UBAC2: variants seen among roughly 807,000 people sequenced by gnomAD.
The protein encoded by UBAC2 is ubiquitin-associated domain-containing protein 2.
Under a neutral mutation model 44.0 loss-of-function variants are expected in UBAC2, and 26 were observed. The observed-to-expected ratio is 0.59, with a 90% CI of 0.43 to 0.82. The LOEUF (loss-of-function observed/expected upper bound fraction) is 0.82. Among genes scored for constraint, UBAC2 ranks in the 40% least tolerant of loss-of-function variants. UBAC2 has a pLI of 0.00. For missense variants in UBAC2, 329 were observed against 419.4 expected (o/e 0.78, Z 1.88); for synonymous variants, 155 against 154.3 (o/e 1.00, Z -0.04).
intron 1 of UBAC2, among the ~76,000 whole-genome samples, chr13:99,229,434 G>A (rs1218754193): frequency 6.6e-6 from 1 of 152,212 alleles, no homozygotes; most frequent in African/African-American, 2.4e-5. Context: ...TGTGCGGTTT[G>A]ATTGCAGCAA....
rs150591350 is a variant in UBAC2 at position 99,298,505 on chromosome 13, G to C, written c.390-15592G>C. 7.4e-3 allele frequency among the ~76,000 whole-genome samples: 1,121 copies of C among 152,256 alleles called. 10 individuals are homozygous for C. Among genetic ancestry groups the C allele is most frequent in the South Asian group, 0.055 (266 of 4,820 alleles). On this transcript the variant is annotated intron_variant, in intron 4 of 8. Coordinates refer to ENST00000403766, the MANE Select transcript of UBAC2 (RefSeq NM_001144072.2). ...GATGCAGATAAGGCAATCTGAGATA[G>C]ATATAAAGCCTTGAATGCATTTATT... is the stretch of plus-strand genomic sequence containing the variant.
chr13:99,203,054 T>TATTTATTTATTG (rs71118465), intron 1 of UBAC2, among the ~76,000 whole-genome samples: 1 of 145,798 alleles, frequency 6.9e-6, no homozygotes, highest in African/African-American at 2.6e-5. Flanking sequence ...TTTATTTATT[T>TATTTATTTATTG]ATTGAGATGG....
At chr13:99,242,407 G>T (rs1402075298) in intron 2 of UBAC2, among the ~76,000 whole-genome samples, 4 of 147,508 alleles carry the variant, frequency 2.7e-5, no homozygotes, top group African/African-American at 1.0e-4. Flanking sequence ...GGGGCGGCCG[G>T]GCAGAGGCGC....
chr13:99,369,170 A>G (rs2045373082), intron 8 of UBAC2, among the ~76,000 whole-genome samples: 1 of 152,208 alleles, frequency 6.6e-6, no homozygotes, highest in Non-Finnish European at 1.5e-5. Context: ...AAAATCACAA[A>G]TTTGCAAGCA....
At chr13:99,303,779 G>A (rs1412274547) in intron 4 of UBAC2, among the ~76,000 whole-genome samples, 1 of 152,098 alleles carries the variant, frequency 6.6e-6, no homozygotes, top group Non-Finnish European at 1.5e-5. Context: ...TGGAAATTAG[G>A]GAGGAACATT....
chr13:99,253,159 T>C (rs2043480718), intron 4 of UBAC2, among the ~76,000 whole-genome samples: 1 of 151,316 alleles, frequency 6.6e-6, no homozygotes, highest in Non-Finnish European at 1.5e-5. Flanking sequence ...TATATTTTAC[T>C]CATTTGACTA....
intron 8 of UBAC2, among the ~76,000 whole-genome samples, chr13:99,381,665 G>A (rs993017200): frequency 6.6e-6 from 1 of 152,174 alleles, no homozygotes; most frequent in Non-Finnish European, 1.5e-5. Context: ...TTCCACCCAA[G>A]ATTGGAAAGA....
chr13:99,269,276 T>A (rs1452757784), intron 4 of UBAC2, among the ~76,000 whole-genome samples: 1 of 152,198 alleles, frequency 6.6e-6, no homozygotes, highest in Non-Finnish European at 1.5e-5. Flanking sequence ...TCTGTGCTCT[T>A]CTTTATTGTG....
chr13:99,314,056 A>C, intron 4 of UBAC2, 41 bp from the exon 5 acceptor site: 1 of 1,556,412 alleles, frequency 6.4e-7, no homozygotes, highest in Non-Finnish European at 8.7e-7. Flanking sequence ...TTGTGTTTAA[A>C]ATTCACTATT....
Position 99,244,622 on chromosome 13 carries a change from A to G in UBAC2, c.387A>G (p.Gly129=). ...CTGCAGCTAGTAATTTGCCTTCTGG[A>G]TTGTAAGTAGCACTTAAAGATTGAC... ...GITAASNLPS[G]FLAPVFALFV... Residue 129 remains glycine, a splice_region_variant and synonymous_variant, in exon 4 of 9, where the codon GGA becomes GGG. Coordinates refer to ENST00000403766, the MANE Select transcript of UBAC2 (RefSeq NM_001144072.2). 2 of 1,582,540 alleles carry G rather than the reference A, an allele frequency of 1.3e-6. No homozygotes were observed. The highest frequency in any genetic ancestry group is 1.7e-6 in the Non-Finnish European group (2 of 1,151,888).
chr13:99,346,543 T>A (rs903956242), intron 7 of UBAC2, among the ~76,000 whole-genome samples: 1 of 152,228 alleles, frequency 6.6e-6, no homozygotes, highest in Non-Finnish European at 1.5e-5. Flanking sequence ...TCATATTGTT[T>A]CACGCAGTCT....
intron 4 of UBAC2, among the ~76,000 whole-genome samples, chr13:99,273,784 T>A (rs1434943767): frequency 6.6e-6 from 1 of 151,910 alleles, no homozygotes; most frequent in Non-Finnish European, 1.5e-5. Context: ...TTTGATCACC[T>A]CCTCTTCCAT....
chr13:99,268,016 T>C lies in UBAC2; in HGVS notation c.389+23392T>C, dbSNP rs569618222. 5.9e-5 allele frequency among the ~76,000 whole-genome samples: 9 copies of C among 152,322 alleles called. No homozygotes were observed. In the South Asian group the frequency reaches 1.9e-3, roughly 32 times the overall value. On this transcript the variant is annotated intron_variant, in intron 4 of 8. Transcript: ENST00000403766. ...CCTTCCAAGGAGGCTCCATGGCTTC[T>C]GCTTCCAGCTGGTGTGGAAGAAAGA... is the stretch of plus-strand genomic sequence containing the variant.
chr13:99,336,638 G>C (rs770120913), intron 6 of UBAC2, among the ~76,000 whole-genome samples: 1 of 151,820 alleles, frequency 6.6e-6, no homozygotes, highest in African/African-American at 2.4e-5. Context: ...TTGTTCTCTT[G>C]GTCTATTTAA....
chr13:99,276,191 G>A (rs927308012), intron 4 of UBAC2, among the ~76,000 whole-genome samples: 2 of 152,136 alleles, frequency 1.3e-5, no homozygotes, highest in African/African-American at 4.8e-5. Flanking sequence ...TAGTACTCCA[G>A]TTCTTCTGAG....
chr13:99,247,465 C>T (rs1403903221), intron 4 of UBAC2, among the ~76,000 whole-genome samples: 1 of 150,742 alleles, frequency 6.6e-6, no homozygotes, highest in Non-Finnish European at 1.5e-5. Context: ...CCGCCCGCCT[C>T]GGCCTCCCAA....
At chr13:99,276,067 C>G (rs2043877922) in intron 4 of UBAC2, among the ~76,000 whole-genome samples, 1 of 152,166 alleles carries the variant, frequency 6.6e-6, no homozygotes, top group Non-Finnish European at 1.5e-5. Flanking sequence ...TCAGTGGTGT[C>G]TGTGAGTCCC....
chr13:99,343,301 C>T (rs190720136), intron 7 of UBAC2, among the ~76,000 whole-genome samples: 1 of 152,224 alleles, frequency 6.6e-6, no homozygotes, highest in East Asian at 1.9e-4. Context: ...TGCGCACGCC[C>T]TCGCTCCAGG....
intron 7 of UBAC2, among the ~76,000 whole-genome samples, chr13:99,366,810 C>T (rs2138893355): frequency 6.6e-6 from 1 of 152,312 alleles, no homozygotes; most frequent in African/African-American, 2.4e-5. Flanking sequence ...TCCCAGGCTG[C>T]TCACAGTGTG....
Sources: allele counts gnomAD v4.1 joint callset (sites outside exome capture counted in the v4.1 genomes callset), GRCh38; gene constraint gnomAD v4.1.1; transcripts MANE v1.5; gene names NCBI Gene and HGNC (gene_info 2026-07-23, HGNC 2026-07-21).